The following SYNJ2 variants were observed in gnomAD, a reference collection of about 807,000 sequenced individuals.
The protein encoded by SYNJ2 is synaptojanin 2.
In SYNJ2, 116 loss-of-function variants were observed where a neutral mutation model predicts 141.3. The ratio of observed to expected loss-of-function variants is 0.82; its 90% confidence interval spans 0.71 to 0.96. The LOEUF is 0.96. SYNJ2 is among the 40% of genes least tolerant of loss of function. The probability of loss-of-function intolerance (pLI) is 0.00; values close to 1 mark genes in which losing one functional copy is unlikely to be tolerated. For missense variants in SYNJ2, 1,873 were observed against 1,934.8 expected, an observed-to-expected ratio of 0.97 and a Z score of 0.60; for synonymous variants, 745 against 777.7, an observed-to-expected ratio of 0.96 and a Z score of 0.70.
chr6:158,007,336 A>G (rs1778111013), intron 1 of SYNJ2, among the ~76,000 whole-genome samples: 1 of 151,744 alleles, frequency 6.6e-6, no homozygotes, highest in Admixed American at 6.6e-5. Context: ...TCTCTGCTGG[A>G]CTCCAGACTT....
intron 1 of SYNJ2, among the ~76,000 whole-genome samples, chr6:157,985,796 C>T (rs966583733): frequency 6.6e-6 from 1 of 152,058 alleles, no homozygotes; most frequent in African/African-American, 2.4e-5. Context: ...CCCAGCCGGG[C>T]TTTGCTGTGA....
chr6:158,060,472 C>G (rs1373434831), intron 7 of SYNJ2, among the ~76,000 whole-genome samples: 1 of 152,190 alleles, frequency 6.6e-6, no homozygotes, highest in Non-Finnish European at 1.5e-5. Flanking sequence ...CAAAGATATC[C>G]CTTACAGAGA....
chr6:158,045,190 A>T (rs1485701964), intron 5 of SYNJ2, among the ~76,000 whole-genome samples: 1 of 144,988 alleles, frequency 6.9e-6, no homozygotes, highest in African/African-American at 2.6e-5. Context: ...TCACTGCAAC[A>T]TCTGCCCCCC....
chr6:158,046,567 A>G (rs16900563), intron 5 of SYNJ2, among the ~76,000 whole-genome samples: 15,626 of 152,140 alleles, frequency 0.1, 1,454 homozygotes, highest in South Asian at 0.26. Flanking sequence ...TTAAGCTGCA[A>G]TGCTGTCCCT....
chr6:158,010,807 T>G, intron 1 of SYNJ2, among the ~76,000 whole-genome samples: 2 of 146,058 alleles, frequency 1.4e-5, no homozygotes, highest in East Asian at 4.2e-4. Context: ...GGCCACGTGA[T>G]GATGGGGGGG....
intron 26 of SYNJ2, chr6:158,093,779 A>G (rs1388960493): frequency 2.9e-6 from 2 of 691,426 alleles, no homozygotes; most frequent in African/African-American, 3.5e-5. Context: ...CATGGTTTCA[A>G]GGCATTAGGA....
At chr6:158,090,153 A>G (rs1783345161) in intron 25 of SYNJ2, among the ~76,000 whole-genome samples, 1 of 152,240 alleles carries the variant, frequency 6.6e-6, no homozygotes, top group Non-Finnish European at 1.5e-5. Context: ...CTGTGTGTAT[A>G]TAAAAATCAT....
At chr6:158,015,638 T>A (rs1778425202) in intron 1 of SYNJ2, among the ~76,000 whole-genome samples, 1 of 152,220 alleles carries the variant, frequency 6.6e-6, no homozygotes, top group Non-Finnish European at 1.5e-5. Flanking sequence ...TGTCTCCACA[T>A]CACATTAGTG....
intron 5 of SYNJ2, among the ~76,000 whole-genome samples, chr6:158,047,739 C>T (rs2104186): frequency 0.36 from 49,394 of 136,266 alleles, 9,134 homozygotes; most frequent in Non-Finnish European, 0.39. Flanking sequence ...ATTGTGCCAC[C>T]ACACTCTAGC....
rs1435605085 is a variant in SYNJ2 at position 158,068,579 on chromosome 6, A to C, written c.1718-68A>C. The stretch of plus-strand genomic sequence containing the variant: ...CATGACTCGGGAGAGGGCACTGGGG[A>C]GCCCCATGAACTCGTAATGCGGGAC... On this transcript the variant is annotated intron_variant, in intron 12 of 26. Transcript: ENST00000355585. 9 of 1,560,146 alleles carry C rather than the reference A, an allele frequency of 5.8e-6. No individual in the cohort carries two copies. The East Asian group carries it at 2.0e-4, about 35-fold the overall frequency.
At position 158,095,722 on chromosome 6, in the gene SYNJ2, C is replaced by G. The variant is rs1420633955; in HGVS notation, c.3849C>G (p.Val1283=). Reference sequence around the variant, plus strand: ...CTCCTGTCGTGACAGCCCCTCGAGTCCCTCCTGTTCCCAAACCAAGAACAT... The same window carrying G: ...CTCCTGTCGTGACAGCCCCTCGAGTGCCTCCTGTTCCCAAACCAAGAACAT... ...EAPPVVTAPR[V]PPVPKPRTFQ... The change falls in exon 27 of 27, where the codon GTC becomes GTG. Residue 1283 remains valine (V), a synonymous_variant. Transcript: ENST00000355585. The G allele has an allele frequency of 5.6e-6, 9 of 1,614,050 alleles. No homozygotes were observed. Among genetic ancestry groups the G allele is most frequent in the Non-Finnish European group, 7.6e-6 (9 of 1,180,046 alleles).
chr6:157,985,938 C>T lies in SYNJ2; in HGVS notation c.127+3850C>T, dbSNP rs568038223. Among the ~76,000 whole-genome samples the T allele has an allele frequency of 6.6e-4, 100 of 152,324 alleles. 1 individual carries two copies. The highest frequency in any genetic ancestry group is 4.6e-3 in the South Asian group (22 of 4,812). ...TGTAAACACCAGGCCCCCAGGTTCT[C>T]CCAGCTGCTGTTGTGCGAGGCCACG... On this transcript the variant is annotated intron_variant, in intron 1 of 26. Transcript: ENST00000355585.
At chr6:158,047,966 T>A (rs1043298645) in intron 5 of SYNJ2, among the ~76,000 whole-genome samples, 18 of 152,092 alleles carry the variant, frequency 1.2e-4, no homozygotes, top group African/African-American at 3.9e-4. Flanking sequence ...CCTGTCTTTG[T>A]GGGAACAGGG....
chr6:158,086,736 C>A (rs1053529391), intron 22 of SYNJ2, 119 bp from the exon 23 acceptor site: 5 of 1,018,604 alleles, frequency 4.9e-6, no homozygotes, highest in Middle Eastern at 2.5e-4. Flanking sequence ...CTGGACAGAG[C>A]CTTCAGCTGT....
At chr6:158,078,769 T>C (rs899784191) in intron 18 of SYNJ2, 2 of 151,140 alleles carry the variant, frequency 1.3e-5, no homozygotes, top group Non-Finnish European at 2.9e-5. Context: ...ATAGGGTTTT[T>C]AAATCTGGGA....
chr6:158,088,496 G>C (rs1225301766), intron 23 of SYNJ2, among the ~76,000 whole-genome samples, 164 bp from the exon 24 acceptor site: 1 of 152,110 alleles, frequency 6.6e-6, no homozygotes, highest in Admixed American at 6.5e-5. Flanking sequence ...GAGAGTCAAG[G>C]AAGGCCTGGC....
intron 5 of SYNJ2, among the ~76,000 whole-genome samples, chr6:158,044,898 G>A (rs1780153777): frequency 1.3e-5 from 2 of 152,038 alleles, no homozygotes; most frequent in South Asian, 2.1e-4. Flanking sequence ...GAAACTTCTC[G>A]AGCTCTGTAT....
intron 3 of SYNJ2, chr6:158,030,363 G>C (rs544804854): frequency 6.6e-6 from 1 of 152,626 alleles, no homozygotes; most frequent in Admixed American, 6.5e-5. Context: ...GACGGGACTC[G>C]TGAGGTTTAT....
Position 158,059,328 on chromosome 6 carries a change from A to T in SYNJ2, c.929A>T (p.Glu310Val). The T allele has an allele frequency of 6.4e-7, 1 of 1,550,762 alleles. No homozygotes were observed. The highest frequency in any genetic ancestry group is 1.7e-4 in the Middle Eastern group (1 of 5,956). The change falls in exon 7 of 27, where the codon GAG (glutamate) becomes GTG (valine). Residue 310 changes from glutamate to valine, a missense_variant. Physicochemically the swap from Glu to Val is moderately radical, Grantham distance 121. Coordinates refer to ENST00000355585, the MANE Select transcript of SYNJ2 (RefSeq NM_003898.4). ...AACCTTCTGGGAAGCAGAGGCGGAG[A>T]GGAGGTGCTCAACAGAGCCTTCAAG... ...VVNLLGSRGG[E>V]EVLNRAFKKL... is the part of the protein sequence containing the mutation.
Sources: allele counts gnomAD v4.1 joint callset (sites outside exome capture counted in the v4.1 genomes callset), GRCh38; gene constraint gnomAD v4.1.1; transcripts MANE v1.5; gene names NCBI Gene and HGNC (gene_info 2026-07-23, HGNC 2026-07-21).